IQCE: variants seen among roughly 807,000 people sequenced by gnomAD.
IQCE encodes IQ motif containing E.
A neutral mutation model predicts 96.0 loss-of-function variants in IQCE; 115 were observed. The ratio of observed to expected loss-of-function variants is 1.20; its 90% confidence interval spans 1.03 to 1.40. IQCE has a LOEUF of 1.40. Among genes scored for constraint, IQCE ranks in the 40% most tolerant of loss-of-function variants. The probability of loss-of-function intolerance (pLI) is 0.00; values close to 1 mark genes in which losing one functional copy is unlikely to be tolerated. For synonymous variants in IQCE, 412 were observed against 371.2 expected (o/e 1.11, Z -1.26); for missense variants, 1,041 against 909.1 (o/e 1.15, Z -1.87).
chr7:2,613,853 C>T lies in IQCE; in HGVS notation c.*3691C>T, dbSNP rs1785196668. The T allele has an allele frequency of 6.6e-6, 1 of 152,262 alleles. No individual in the cohort carries two copies. The highest frequency in any genetic ancestry group is 2.4e-5 in the African/African-American group (1 of 41,448). The allele number at this position is 152,262 out of a possible 1,614,324, so 9.4% of individuals were successfully genotyped here. A position where few individuals can be genotyped will look rare whatever the true frequency, so the allele number is the denominator to read the frequency against. On this transcript the variant is annotated 3_prime_UTR_variant, in exon 22 of 22. Transcript: ENST00000402050. Reference sequence around the variant, plus strand: ...GAAGGGCCAGAGAAGACCACCAAGACCACCGTTCCCGCAGGCCTGGGGTGA... The same window carrying T: ...GAAGGGCCAGAGAAGACCACCAAGATCACCGTTCCCGCAGGCCTGGGGTGA...
chr7:2,559,372 A>T (rs367927949), intron 1 of IQCE, 155 bp downstream of exon 1: 7 of 352,564 alleles, frequency 2.0e-5, no homozygotes, highest in East Asian at 5.0e-5. Flanking sequence ...GTTACCGCAC[A>T]AGAGCGCGCT....
chr7:2,597,052 G>A (rs745881937), intron 16 of IQCE: 48 of 471,230 alleles, frequency 1.0e-4, no homozygotes, highest in Non-Finnish European at 2.6e-5. Context: ...GGCCACGCAG[G>A]AGCGGCGCGT....
Position 2,611,444 on chromosome 7 carries a change from C to T in IQCE, c.*1282C>T, listed in dbSNP as rs2128476248. On this transcript the variant is annotated 3_prime_UTR_variant, in exon 22 of 22. Transcript: ENST00000402050. ...CTTTTTACACAGCTGACAGCTTCTC[C>T]CAAGGCTTCCGTCCACGGGGACAGG... The T allele has an allele frequency of 6.6e-6, 1 of 152,396 alleles. No homozygotes were observed. Among genetic ancestry groups the T allele is most frequent in the African/African-American group, 2.4e-5 (1 of 41,582 alleles). 9.4% of individuals were successfully genotyped at this position (152,396 alleles called of 1,614,324 possible). A position where few individuals can be genotyped will look rare whatever the true frequency, so the allele number is the denominator to read the frequency against.
rs1224774398 is a variant in IQCE at position 2,612,929 on chromosome 7, C to G, written c.*2767C>G. The stretch of plus-strand genomic sequence containing the variant: ...AGAGTGAGTCCCCAAGAAAGGGACT[C>G]CTGCCCCAGCGTCAAGTGCCAAAGC... On this transcript the variant is annotated 3_prime_UTR_variant, in exon 22 of 22. Transcript: ENST00000402050. 1.3e-5 allele frequency: 2 copies of G among 152,190 alleles called. No individual in the cohort carries two copies. Among genetic ancestry groups the G allele is most frequent in the East Asian group, 3.8e-4 (2 of 5,196 alleles). 9.4% of individuals were successfully genotyped at this position (152,190 alleles called of 1,614,324 possible).
At position 2,578,339 on chromosome 7, in the gene IQCE, TCC is replaced by T; in HGVS notation, c.564_565del (p.Leu189GlyfsTer24). The T allele has an allele frequency of 6.2e-7, 1 of 1,614,050 alleles. No homozygotes were observed. Among genetic ancestry groups the T allele is most frequent in the Non-Finnish European group, 8.5e-7 (1 of 1,179,944 alleles). ...AGGAAGGACCGGCAGATAGAGCAGC[TCC>T]TGGATCCCAGCCGCGTAAGCTCCTG... On this transcript the variant is annotated frameshift_variant, in exon 7 of 22. Coordinates refer to ENST00000402050, the MANE Select transcript of IQCE (RefSeq NM_152558.5). LOFTEE classifies it high-confidence loss of function.
At chr7:2,568,697 G>A (rs1186183950) in intron 2 of IQCE, among the ~76,000 whole-genome samples, 2 of 152,202 alleles carry the variant, frequency 1.3e-5, no homozygotes, top group Non-Finnish European at 2.9e-5. Context: ...TGAACGTCAG[G>A]AGCCCGGGCC....
At position 2,604,979 on chromosome 7, in the gene IQCE, C is replaced by T. The variant is rs777924707; in HGVS notation, c.1731C>T (p.Gly577=). The T allele has an allele frequency of 1.2e-5, 20 of 1,611,914 alleles. No homozygotes were observed. Among genetic ancestry groups the T allele is most frequent in the Non-Finnish European group, 1.7e-5 (20 of 1,178,688 alleles). The change falls in exon 19 of 22, where the codon GGC becomes GGT. Residue 577 remains glycine, a synonymous_variant. Transcript: ENST00000402050. Reference sequence around the variant, plus strand: ...GCTCAGAGCCACCCAGCGTGCCAGGCCTCCCAGACCAGGTAATGTCGGGGT... The same window carrying T: ...GCTCAGAGCCACCCAGCGTGCCAGGTCTCCCAGACCAGGTAATGTCGGGGT... ...AHGSEPPSVP[G]LPDQSSPVPR...
intron 11 of IQCE, 88 bp from the exon 12 acceptor site, chr7:2,586,120 C>G: frequency 8.0e-7 from 1 of 1,255,426 alleles, no homozygotes; most frequent in Non-Finnish European, 1.1e-6. Flanking sequence ...ACCAACAGAG[C>G]AAGCTGTGAT....
intron 17 of IQCE, 63 bp from the exon 18 acceptor site, chr7:2,601,378 C>T (rs938971406): frequency 3.4e-6 from 4 of 1,164,900 alleles, no homozygotes; most frequent in Middle Eastern, 2.3e-4. Context: ...ATGAAGGAAT[C>T]AAAACCACAT....
At chr7:2,596,039 T>C (rs1323191761) in intron 16 of IQCE, among the ~76,000 whole-genome samples, 2 of 152,244 alleles carry the variant, frequency 1.3e-5, no homozygotes, top group South Asian at 2.1e-4. Context: ...AGCCCATGCA[T>C]GTTCAGACGA....
intron 8 of IQCE, among the ~76,000 whole-genome samples, chr7:2,580,494 C>G (rs941100353): frequency 6.6e-6 from 1 of 152,066 alleles, no homozygotes; most frequent in Non-Finnish European, 1.5e-5. Flanking sequence ...TGCCTGTAAT[C>G]CCAGCTACTC....
intron 18 of IQCE, 172 bp downstream of exon 18, chr7:2,601,636 G>C (rs1304742782): frequency 3.3e-6 from 2 of 605,340 alleles, no homozygotes; most frequent in Non-Finnish European, 6.0e-6. Flanking sequence ...TGCAACCTCC[G>C]CCTCCTGGGT....
intron 19 of IQCE, among the ~76,000 whole-genome samples, chr7:2,605,354 C>A (rs1784726428): frequency 6.6e-6 from 1 of 152,204 alleles, no homozygotes; most frequent in Non-Finnish European, 1.5e-5. Context: ...GGCGCGGTGG[C>A]TCACACCTGT....
intron 1 of IQCE, among the ~76,000 whole-genome samples, chr7:2,563,411 G>GTGTGTA (rs773616723): frequency 7.4e-5 from 11 of 148,594 alleles, no homozygotes; most frequent in Admixed American, 4.0e-4. Flanking sequence ...GTGTGTGTGT[G>GTGTGTA]TACAGGGTTT....
chr7:2,595,250 G>A (rs913997586), intron 16 of IQCE, among the ~76,000 whole-genome samples: 4 of 152,222 alleles, frequency 2.6e-5, no homozygotes, highest in Admixed American at 2.0e-4. Context: ...TGCGGAGGGT[G>A]TAGTTATGCG....
At position 2,578,530 on chromosome 7, in the gene IQCE, A is replaced by G. The variant is rs767851268; in HGVS notation, c.630+4A>G. The G allele has an allele frequency of 6.2e-7, 1 of 1,614,146 alleles. No individual in the cohort carries two copies. Among genetic ancestry groups the G allele is most frequent in the South Asian group, 1.1e-5 (1 of 91,080 alleles). On this transcript the variant is annotated splice_donor_region_variant and intron_variant, in intron 8 of 21. Coordinates refer to ENST00000402050, the MANE Select transcript of IQCE (RefSeq NM_152558.5). ...GAAAAGGCCCGATGCCAGTTGGGTG[A>G]GTATGGTGTGTGCAGGACAGAGCCT...
rs368725997 is a variant in IQCE at position 2,567,532 on chromosome 7, C to T, written c.84+369C>T. On this transcript the variant is annotated intron_variant, in intron 2 of 21. Coordinates refer to ENST00000402050, the MANE Select transcript of IQCE (RefSeq NM_152558.5). ...ATGGGAGAAAGCAGACCTGGGCAGC[C>T]GCCATCCCAAGCTGAACTGCTGCCT... Among the ~76,000 whole-genome samples the T allele has an allele frequency of 5.3e-5, 8 of 152,286 alleles. No homozygotes were observed. In the South Asian group the frequency reaches 1.4e-3, roughly 28 times the overall value.
rs1241587686 is a variant in IQCE at position 2,583,335 on chromosome 7, A to T, written c.702-302A>T. Among the ~76,000 whole-genome samples, 4 of 152,180 alleles carry T rather than the reference A, an allele frequency of 2.6e-5. No homozygotes were observed. In the South Asian group the frequency reaches 6.2e-4, roughly 24 times the overall value. On this transcript the variant is annotated intron_variant, in intron 9 of 21. Coordinates refer to ENST00000402050, the MANE Select transcript of IQCE (RefSeq NM_152558.5). ...CAAGGCCTTTCCGCACCATTAATCTAGTCTTTTAAAGACAGCATCTTACTT... is the reference window on the plus strand; with the variant it reads ...CAAGGCCTTTCCGCACCATTAATCTTGTCTTTTAAAGACAGCATCTTACTT...
At position 2,568,906 on chromosome 7, in the gene IQCE, C is replaced by T. The variant is rs201117529; in HGVS notation, c.85-48C>T. 7.7e-6 allele frequency: 12 copies of T among 1,559,304 alleles called. No homozygotes were observed. The East Asian group carries it at 2.7e-4, about 35-fold the overall frequency. On this transcript the variant is annotated intron_variant, in intron 2 of 21. Coordinates refer to ENST00000402050, the MANE Select transcript of IQCE (RefSeq NM_152558.5). Reference sequence around the variant, plus strand: ...GAACATGGTAGGGTCTTGTGATGCACCACTGTGGGAGCTCAGCAAGCCTTA... The same window carrying T: ...GAACATGGTAGGGTCTTGTGATGCATCACTGTGGGAGCTCAGCAAGCCTTA...
Sources: allele counts gnomAD v4.1 joint callset (sites outside exome capture counted in the v4.1 genomes callset), GRCh38; gene constraint gnomAD v4.1.1; transcripts MANE v1.5; gene names NCBI Gene and HGNC (gene_info 2026-07-23, HGNC 2026-07-21).